TRPC5: variants seen among roughly 807,000 people sequenced by gnomAD.
TRPC5 encodes short transient receptor potential channel 5.
In TRPC5, 9 loss-of-function variants were observed where a neutral mutation model predicts 56.5. The ratio of observed to expected loss-of-function variants is 0.16; its 90% confidence interval spans 0.10 to 0.28. TRPC5 has a LOEUF of 0.28. Ranked by LOEUF, TRPC5 falls within the 10% of genes least tolerant of loss-of-function variation. The pLI, the probability that TRPC5 is intolerant of heterozygous loss-of-function variation, is 1.00. For synonymous variants in TRPC5, 282 were observed against 278.5 expected, an observed-to-expected ratio of 1.01 and a Z score of -0.13; for missense variants, 469 against 748.9, an observed-to-expected ratio of 0.63 and a Z score of 4.36.
At chrX:112,071,047 G>A (rs1255368197) in intron 1 of TRPC5, among the ~76,000 whole-genome samples, 1 of 111,351 alleles carries the variant, frequency 9.0e-6, no homozygotes, top group Non-Finnish European at 1.9e-5. Context: ...GGGAGGCCAG[G>A]GTGGGTGGAT....
chrX:111,860,862 CA>C (rs2148589437), intron 3 of TRPC5, among the ~76,000 whole-genome samples: 1 of 111,761 alleles, frequency 8.9e-6, no homozygotes, highest in East Asian at 2.8e-4. Flanking sequence ...GTGCAGCACC[CA>C]AAAGCCAGTG....
At chrX:111,953,382 G>T (rs1927144053) in intron 1 of TRPC5, among the ~76,000 whole-genome samples, 1 of 111,892 alleles carries the variant, frequency 8.9e-6, no homozygotes, top group South Asian at 3.8e-4. Context: ...ACTGTCTCTG[G>T]GAGACAAAGG....
intron 2 of TRPC5, among the ~76,000 whole-genome samples, chrX:111,948,777 C>T (rs1239773914): frequency 9.1e-6 from 1 of 110,086 alleles, no homozygotes; most frequent in African/African-American, 3.3e-5. Context: ...CAAAAATAAG[C>T]CTCAGAACTG....
intron 1 of TRPC5, among the ~76,000 whole-genome samples, chrX:112,009,237 C>T (rs1185717068): frequency 1.8e-5 from 2 of 111,394 alleles, no homozygotes; most frequent in Non-Finnish European, 3.8e-5. Flanking sequence ...GTTTATGAAT[C>T]GAGATTGCGG....
chrX:111,924,415 C>T (rs185084736), intron 2 of TRPC5, among the ~76,000 whole-genome samples: 51 of 108,565 alleles, frequency 4.7e-4, no homozygotes, highest in African/African-American at 1.5e-3. Flanking sequence ...GTGTGGGCTG[C>T]GCCTGAATAA....
intron 1 of TRPC5, among the ~76,000 whole-genome samples, chrX:111,962,182 G>A (rs1442259898): frequency 1.8e-5 from 2 of 111,186 alleles, no homozygotes; most frequent in African/African-American, 6.6e-5. Context: ...TTCCCCACCA[G>A]TACCCATGTA....
intron 1 of TRPC5, among the ~76,000 whole-genome samples, chrX:111,982,282 T>C (rs1928103926): frequency 8.9e-6 from 1 of 112,068 alleles, no homozygotes; most frequent in African/African-American, 3.2e-5. Context: ...ATAATTATAG[T>C]TCTAATTTCT....
chrX:111,858,975 A>G (rs183793424), intron 3 of TRPC5, among the ~76,000 whole-genome samples: 2 of 111,777 alleles, frequency 1.8e-5, no homozygotes, highest in Admixed American at 1.9e-4. Context: ...ATAAAAGGAC[A>G]AGGGGCGACG....
chrX:112,022,389 A>G (rs1223026887), intron 1 of TRPC5, among the ~76,000 whole-genome samples: 2 of 111,975 alleles, frequency 1.8e-5, no homozygotes, highest in African/African-American at 6.5e-5. Context: ...CAGGTCCTCT[A>G]AACAGCATGT....
intron 1 of TRPC5, among the ~76,000 whole-genome samples, chrX:112,004,301 G>C (rs765754134): frequency 0.086 from 9,659 of 111,971 alleles, 643 homozygotes; most frequent in African/African-American, 0.23. Context: ...ACACAAGAAT[G>C]CTTGCTGTGG....
rs1945827627 is a variant in TRPC5, at chrX:111,768,837, G to A, written c.*7476C>T. On this transcript the variant is annotated 3_prime_UTR_variant, in exon 11 of 11. Transcript: ENST00000262839. Reference sequence around the variant, plus strand: ...TCCTGTTAAGACACTTGAGAATTCTGGCTGCTTCTCCTGCCCACGTACACT... The same window carrying A: ...TCCTGTTAAGACACTTGAGAATTCTAGCTGCTTCTCCTGCCCACGTACACT... Among the ~76,000 whole-genome samples, 1 of 111,292 alleles carries A rather than the reference G, an allele frequency of 9.0e-6. No homozygotes were observed.
chrX:112,037,714 A>AT (rs1029064303), intron 1 of TRPC5, among the ~76,000 whole-genome samples: 4 of 111,392 alleles, frequency 3.6e-5, no homozygotes, highest in South Asian at 3.7e-4. Flanking sequence ...TTTCTTTTGC[A>AT]TTTTTTTAAA....
intron 1 of TRPC5, among the ~76,000 whole-genome samples, chrX:112,014,966 T>C (rs771871071): frequency 9.0e-6 from 1 of 111,300 alleles, no homozygotes; most frequent in Non-Finnish European, 1.9e-5. Context: ...ATGATTCTAG[T>C]ATGCATCCAA....
At chrX:111,913,824 G>A (rs1255759778) in intron 2 of TRPC5, among the ~76,000 whole-genome samples, 2 of 110,264 alleles carry the variant, frequency 1.8e-5, no homozygotes, top group Non-Finnish European at 3.8e-5. Context: ...GCCGGGCATG[G>A]TGGCGGGCGC....
intron 2 of TRPC5, among the ~76,000 whole-genome samples, chrX:111,945,123 T>G (rs1926899951): frequency 9.1e-6 from 1 of 110,226 alleles, no homozygotes; most frequent in African/African-American, 3.3e-5. Flanking sequence ...GTTGCTCATG[T>G]GCACAACAAT....
Position 112,079,710 on chromosome X carries a change from A to G in TRPC5, c.-22+2169T>C, listed in dbSNP as rs1408623703. Among the ~76,000 whole-genome samples, 3 of 112,081 alleles carry G rather than the reference A, an allele frequency of 2.7e-5. No individual in the cohort carries two copies. The East Asian group carries it at 8.4e-4, about 31-fold the overall frequency. On this transcript the variant is annotated intron_variant, in intron 1 of 10. Coordinates refer to ENST00000262839, the MANE Select transcript of TRPC5 (RefSeq NM_012471.3). ...GTTTTAGTTGTTAGCTATAGAAAGAACAGAATCTTAGGATTATAGCTCTTG... is the reference window on the plus strand; with the variant it reads ...GTTTTAGTTGTTAGCTATAGAAAGAGCAGAATCTTAGGATTATAGCTCTTG...
intron 7 of TRPC5, among the ~76,000 whole-genome samples, chrX:111,790,487 A>G (rs1217215175): frequency 9.0e-6 from 1 of 111,481 alleles, no homozygotes; most frequent in East Asian, 2.8e-4. Context: ...GCAGCAAACC[A>G]ACATGACACA....
At chrX:111,787,553 G>C (rs1190206075) in intron 7 of TRPC5, among the ~76,000 whole-genome samples, 1 of 100,199 alleles carries the variant, frequency 1.0e-5, no homozygotes, top group Non-Finnish European at 2.0e-5. Context: ...AAATAACTAA[G>C]ATCAGAGCAC....
At chrX:111,808,711 A>G (rs1000935193) in intron 7 of TRPC5, among the ~76,000 whole-genome samples, 14 of 109,423 alleles carry the variant, frequency 1.3e-4, no homozygotes, top group Non-Finnish European at 3.8e-5. Context: ...TCTCAAGCAG[A>G]AGGGGTCTCT....
Sources: gnomAD v4.1 joint callset for allele counts (sites outside exome capture counted in the v4.1 genomes callset) on GRCh38, gnomAD v4.1.1 for gene constraint, MANE v1.5 for transcripts, NCBI Gene and HGNC (gene_info 2026-07-23, HGNC 2026-07-21) for gene names.